The following SIMC1 variants were observed in gnomAD, a reference collection of about 807,000 sequenced individuals.
The protein encoded by SIMC1 is SUMO interacting motifs containing 1, also known as SUMO-interacting motif-containing protein 1.
In SIMC1, 55 loss-of-function variants were observed where a neutral mutation model predicts 82.3. The ratio of observed to expected loss-of-function variants is 0.67; its 90% confidence interval spans 0.54 to 0.84. The LOEUF (loss-of-function observed/expected upper bound fraction) is 0.84, where lower values mean the gene tolerates loss of function less well. Ranked by LOEUF, SIMC1 falls within the 40% of genes least tolerant of loss-of-function variation. SIMC1 has a pLI of 0.00. For synonymous variants in SIMC1, 353 were observed against 426.3 expected (o/e 0.83, Z 2.12); for missense variants, 915 against 1,107.2 (o/e 0.83, Z 2.46).
chr5:176,334,528 A>AC (rs1765801745), intron 7 of SIMC1, among the ~76,000 whole-genome samples: 1 of 151,814 alleles, frequency 6.6e-6, no homozygotes, highest in Admixed American at 6.6e-5. Context: ...CCAGCTTGCA[A>AC]CCCCCCAGTA....
intron 1 of SIMC1, among the ~76,000 whole-genome samples, chr5:176,279,274 T>A (rs575154768): frequency 6.6e-6 from 1 of 152,244 alleles, no homozygotes; most frequent in African/African-American, 2.4e-5. Context: ...GTTCTTTGTG[T>A]ATTCTCTGTA....
chr5:176,308,369 A>G (rs2113330646), intron 4 of SIMC1: 1 of 1,569,522 alleles, frequency 6.4e-7, no homozygotes, highest in East Asian at 2.2e-5. Context: ...CAGCTTCAAC[A>G]GAGGCAGAGA....
intron 4 of SIMC1, among the ~76,000 whole-genome samples, chr5:176,302,604 A>C (rs1205748119): frequency 2.0e-5 from 3 of 152,162 alleles, no homozygotes; most frequent in Non-Finnish European, 4.4e-5. Context: ...GAAAGGGAGA[A>C]GTAAAATATC....
chr5:176,285,041 C>G (rs533670903), intron 1 of SIMC1, among the ~76,000 whole-genome samples: 1 of 152,294 alleles, frequency 6.6e-6, no homozygotes. Context: ...GATTCACAGC[C>G]AAATTCTACC....
At chr5:176,302,905 A>T (rs1297500500) in intron 4 of SIMC1, among the ~76,000 whole-genome samples, 1 of 152,228 alleles carries the variant, frequency 6.6e-6, no homozygotes, top group Non-Finnish European at 1.5e-5. Flanking sequence ...GAAATTAGAC[A>T]CCAATAAATG....
At chr5:176,303,003 T>C (rs1487472621) in intron 4 of SIMC1, among the ~76,000 whole-genome samples, 3 of 152,144 alleles carry the variant, frequency 2.0e-5, no homozygotes, top group Non-Finnish European at 4.4e-5. Context: ...TCAACACAAT[T>C]CCCATCAAAA....
At chr5:176,274,013 T>C (rs1762567826) in intron 1 of SIMC1, among the ~76,000 whole-genome samples, 1 of 150,128 alleles carries the variant, frequency 6.7e-6, no homozygotes, top group Non-Finnish European at 1.5e-5. Flanking sequence ...CCTTTGGGTA[T>C]ATACCCAGTA....
chr5:176,321,446 A>G (rs1765153878), intron 5 of SIMC1, among the ~76,000 whole-genome samples: 2 of 152,080 alleles, frequency 1.3e-5, no homozygotes, highest in Admixed American at 1.3e-4. Context: ...TGCCTAAAAA[A>G]AAAAAAAAAC....
chr5:176,308,832 G>T, intron 4 of SIMC1: 1 of 1,232,816 alleles, frequency 8.1e-7, no homozygotes, highest in South Asian at 1.2e-5. Context: ...TACACATCTG[G>T]ACTCATAACC....
At chr5:176,293,469 A>G (rs1392705532) in intron 2 of SIMC1, among the ~76,000 whole-genome samples, 1 of 151,552 alleles carries the variant, frequency 6.6e-6, no homozygotes, top group Non-Finnish European at 1.5e-5. Context: ...AAGGCCAGAC[A>G]TGATGGCTCA....
chr5:176,344,687 A>T (rs114185492), intron 9 of SIMC1, among the ~76,000 whole-genome samples: 3,197 of 152,256 alleles, frequency 0.021, 49 homozygotes, highest in Middle Eastern at 0.068. Context: ...CTACGTAAAC[A>T]CTTTAAACCA....
Position 176,290,205 on chromosome 5 carries a change from A to C in SIMC1, c.681A>C (p.Pro227=). The C allele has an allele frequency of 6.2e-7, 1 of 1,600,980 alleles. No individual in the cohort carries two copies. Among genetic ancestry groups the C allele is most frequent in the Non-Finnish European group, 8.5e-7 (1 of 1,174,466 alleles). The change falls in exon 2 of 10, where the codon CCA becomes CCC. Residue 227 remains proline (P), a synonymous_variant. Transcript: ENST00000429602. ...TGCCGTGCCCCCTGCGACCTTTGCC[A>C]TGCCCACCGAGAGCCTCACCATGTC... The part of the protein sequence containing the change: ...QALPCPLRPL[P]CPPRASPCPP...
At chr5:176,244,935 G>A (rs1207605660) in intron 1 of SIMC1, among the ~76,000 whole-genome samples, 1 of 151,820 alleles carries the variant, frequency 6.6e-6, no homozygotes, top group Non-Finnish European at 1.5e-5. Context: ...TGGTCAGGCT[G>A]GTCTCAAACT....
At chr5:176,306,920 T>A (rs1322781975) in intron 4 of SIMC1, among the ~76,000 whole-genome samples, 1 of 57,378 alleles carries the variant, frequency 1.7e-5, no homozygotes, top group African/African-American at 5.5e-5. Context: ...AAAAAATAAA[T>A]TAAAAAAAAA....
chr5:176,316,780 G>A (rs1751533581), intron 5 of SIMC1, among the ~76,000 whole-genome samples: 1 of 152,148 alleles, frequency 6.6e-6, no homozygotes, highest in Admixed American at 6.6e-5. Context: ...GATCACATGA[G>A]GCCAGGAGTT....
At chr5:176,244,924 T>G (rs1487264812) in intron 1 of SIMC1, among the ~76,000 whole-genome samples, 1 of 152,112 alleles carries the variant, frequency 6.6e-6, no homozygotes, top group African/African-American at 2.4e-5. Context: ...TTTTACCATG[T>G]TGGTCAGGCT....
chr5:176,320,224 T>C (rs1765099894), intron 5 of SIMC1, among the ~76,000 whole-genome samples: 1 of 152,178 alleles, frequency 6.6e-6, no homozygotes, highest in African/African-American at 2.4e-5. Flanking sequence ...GGTATCCCAG[T>C]CCAGAGACCA....
chr5:176,264,071 T>C (rs962261642), intron 1 of SIMC1, among the ~76,000 whole-genome samples: 1 of 152,240 alleles, frequency 6.6e-6, no homozygotes, highest in African/African-American at 2.4e-5. Context: ...ATCCTGGGCA[T>C]ACTGGTGCAA....
chr5:176,314,815 G>A (rs1053974427), intron 5 of SIMC1, among the ~76,000 whole-genome samples: 3 of 152,138 alleles, frequency 2.0e-5, no homozygotes, highest in African/African-American at 7.2e-5. Flanking sequence ...TAACCATTCA[G>A]TAGAAACTAT....
Sources: allele counts gnomAD v4.1 joint callset (sites outside exome capture counted in the v4.1 genomes callset), GRCh38; gene constraint gnomAD v4.1.1; transcripts MANE v1.5; gene names NCBI Gene and HGNC (gene_info 2026-07-23, HGNC 2026-07-21).